The following CDH3 variants were observed in gnomAD, a reference collection of about 807,000 sequenced individuals.
CDH3 encodes cadherin-3.
In CDH3, 54 loss-of-function variants were observed where a neutral mutation model predicts 82.0. The observed-to-expected ratio is 0.66, with a 90% confidence interval of 0.53 to 0.83. The LOEUF is 0.83. Among genes scored for constraint, CDH3 ranks in the 40% least tolerant of loss-of-function variants. CDH3 has a pLI of 0.00. For missense variants in CDH3, 1,054 were observed against 1,084.6 expected, an observed-to-expected ratio of 0.97 and a Z score of 0.40; for synonymous variants, 446 against 437.9, an observed-to-expected ratio of 1.02 and a Z score of -0.23.
chr16:68,652,308 G>A (rs2152090152), intron 2 of CDH3, among the ~76,000 whole-genome samples: 1 of 152,206 alleles, frequency 6.6e-6, no homozygotes, highest in South Asian at 2.1e-4. Context: ...CTTGTGCCTG[G>A]GGAGCAGGTC....
chr16:68,669,166 T>G (rs1960819423), intron 2 of CDH3, among the ~76,000 whole-genome samples: 1 of 152,194 alleles, frequency 6.6e-6, no homozygotes, highest in Non-Finnish European at 1.5e-5. Context: ...GCCTCTTGTT[T>G]CCTGAGTTGT....
chr16:68,665,920 A>G lies in CDH3; in HGVS notation c.161-10465A>G, dbSNP rs543380790. On this transcript the variant is annotated intron_variant, in intron 2 of 15. Coordinates refer to ENST00000264012, the MANE Select transcript of CDH3 (RefSeq NM_001793.6). ...ATTTTTCTAGTCGGGGGAAAAACTCACATCAAATTCTGATTGAAAATCAAA... is the reference window on the plus strand; with the variant it reads ...ATTTTTCTAGTCGGGGGAAAAACTCGCATCAAATTCTGATTGAAAATCAAA... 9.8e-5 allele frequency among the ~76,000 whole-genome samples: 15 copies of G among 152,314 alleles called. No homozygotes were observed. In the South Asian group the frequency reaches 2.9e-3, roughly 29 times the overall value.
At chr16:68,722,214 G>A (rs954417239) in intron 1 of CDH3, among the ~76,000 whole-genome samples, 3 of 152,194 alleles carry the variant, frequency 2.0e-5, no homozygotes, top group African/African-American at 4.8e-5. Flanking sequence ...TTCAGGATAG[G>A]GAGGGGCCCC....
At chr16:68,722,364 C>G (rs938632610) in intron 1 of CDH3, 4 of 152,158 alleles carry the variant, frequency 2.6e-5, no homozygotes, top group Admixed American at 2.0e-4. Context: ...ATAGATGCCT[C>G]GTCCTGTATC....
At chr16:68,711,480 C>T (rs1962030772) in intron 1 of CDH3, among the ~76,000 whole-genome samples, 1 of 152,090 alleles carries the variant, frequency 6.6e-6, no homozygotes, top group African/African-American at 2.4e-5. Flanking sequence ...AGCAGGGCTA[C>T]CCAAGGTTAC....
chr16:68,686,789 AAACTAATGAT>A (rs1961424354), intron 11 of CDH3: 4 of 560,678 alleles, frequency 7.1e-6, no homozygotes, highest in South Asian at 3.8e-5. Flanking sequence ...CTCTTATAAT[AAACTAATGAT>A]AACTAATGAC....
In CDH3 at chr16:68,682,416, G is replaced by A. The variant is rs374738611; in HGVS notation, c.1111G>A (p.Gly371Ser). The part of the protein sequence containing the change: ...AWRATYLIMG[G>S]DDGDHFTITT... ...GCGTGCCACCTACCTTATCATGGGC[G>A]GTGACGACGGGGACCATTTTACCAT... The change falls in exon 9 of 16, where the codon GGT becomes AGT. Residue 371 changes from glycine to serine, a missense_variant. Gly to Ser is a moderately conservative substitution (Grantham distance 56, BLOSUM62 0). Transcript: ENST00000264012. The A allele has an allele frequency of 3.3e-5, 54 of 1,614,058 alleles. No homozygotes were observed. The East Asian group carries it at 7.1e-4, about 21-fold the overall frequency.
At chr16:68,647,489 AGCTTTCTCGGATGTCT>A in intron 2 of CDH3, among the ~76,000 whole-genome samples, 1 of 151,970 alleles carries the variant, frequency 6.6e-6, no homozygotes, top group Non-Finnish European at 1.5e-5. Flanking sequence ...GAGGAAATTC[AGCTTTCTCGGATGTCT>A]GCTTTACGGT....
chr16:68,658,281 C>T (rs570919670), intron 2 of CDH3, among the ~76,000 whole-genome samples: 38 of 152,178 alleles, frequency 2.5e-4, no homozygotes, highest in African/African-American at 8.9e-4. Flanking sequence ...TTCAGACTCT[C>T]GTTAAACCCA....
intron 11 of CDH3, 83 bp downstream of exon 11, chr16:68,685,433 A>C: frequency 4.9e-6 from 7 of 1,435,580 alleles, no homozygotes; most frequent in Non-Finnish European, 5.9e-6. Flanking sequence ...TTTCCTCCAC[A>C]GGTGGGAACA....
chr16:68,676,867 G>C (rs1961048700), intron 3 of CDH3, among the ~76,000 whole-genome samples: 1 of 152,118 alleles, frequency 6.6e-6, no homozygotes, highest in Admixed American at 6.6e-5. Flanking sequence ...GGGGTGCTTG[G>C]CCACACTTCG....
chr16:68,719,990 C>CA (rs1962143397), intron 1 of CDH3, among the ~76,000 whole-genome samples: 1 of 151,966 alleles, frequency 6.6e-6, no homozygotes, highest in African/African-American at 2.4e-5. Context: ...CTCTTCTCTA[C>CA]AAAAAATGAA....
rs375403917 is a variant in CDH3, at chr16:68,678,195, G to A, written c.308G>A (p.Arg103Gln). 3.2e-5 allele frequency: 51 copies of A among 1,613,722 alleles called. 1 individual carries two copies. The highest frequency in any genetic ancestry group is 2.0e-4 in the South Asian group (18 of 91,068). Residue 103 changes from arginine (R) to glutamine (Q), a missense_variant, in exon 4 of 16, where the codon CGA (arginine) becomes CAA (glutamine). Coordinates refer to ENST00000264012, the MANE Select transcript of CDH3 (RefSeq NM_001793.6). Reference sequence around the variant, plus strand: ...ATCTTCCCATCCAAACGTATCTTACGAAGACACAAGAGAGATTGGGTGGTT... The same window carrying A: ...ATCTTCCCATCCAAACGTATCTTACAAAGACACAAGAGAGATTGGGTGGTT... Reference protein sequence around the residue: ...LKIFPSKRILRRHKRDWVVAP... With the variant: ...LKIFPSKRILQRHKRDWVVAP...
At chr16:68,683,840 G>T (rs1339233454) in intron 9 of CDH3, among the ~76,000 whole-genome samples, 1 of 151,802 alleles carries the variant, frequency 6.6e-6, no homozygotes, top group Admixed American at 6.6e-5. Context: ...GGCCGAGGCA[G>T]ACAGATCACC....
Position 68,682,333 on chromosome 16 carries a change from G to A in CDH3, c.1028G>A (p.Gly343Asp). The change falls in exon 9 of 16, where the codon GGC becomes GAC. Residue 343 changes from glycine to aspartate, a missense_variant. Gly to Asp is a moderately conservative substitution (Grantham distance 94, BLOSUM62 -1). Transcript: ENST00000264012. ...GCCCATGTGCCTGAGAATGCAGTGG[G>A]CCATGAGGTGCAGAGGCTGACGGTC... ...YEAHVPENAV[G>D]HEVQRLTVTD... is the part of the protein sequence containing the mutation. 1 of 1,613,960 alleles carries A rather than the reference G, an allele frequency of 6.2e-7. No individual in the cohort carries two copies. The highest frequency in any genetic ancestry group is 1.1e-5 in the South Asian group (1 of 91,080).
chr16:68,678,296 C>T lies in CDH3; in HGVS notation c.390+19C>T, dbSNP rs1231101418. The T allele has an allele frequency of 1.2e-6, 2 of 1,613,908 alleles. No individual in the cohort carries two copies. Among genetic ancestry groups the T allele is most frequent in the South Asian group, 2.2e-5 (2 of 91,084 alleles). On this transcript the variant is annotated intron_variant, in intron 4 of 15. Transcript: ENST00000264012. Reference sequence around the variant, plus strand: ...GAATCAGGTACGACTGTGCCTTCTCCTGGGAAGCATTGGTGGCTCCAGGGA... The same window carrying T: ...GAATCAGGTACGACTGTGCCTTCTCTTGGGAAGCATTGGTGGCTCCAGGGA...
intron 7 of CDH3, 48 bp from the exon 8 acceptor site, chr16:68,680,920 C>A (rs373798650): frequency 3.7e-6 from 6 of 1,611,454 alleles, no homozygotes; most frequent in Non-Finnish European, 5.1e-6. Context: ...AGGGGAGGGA[C>A]CCTTCAGATT....
chr16:68,665,191 G>A (rs1408264842), intron 2 of CDH3, among the ~76,000 whole-genome samples: 1 of 151,812 alleles, frequency 6.6e-6, no homozygotes, highest in Non-Finnish European at 1.5e-5. Context: ...GGCAGATCAT[G>A]AGGTCAGGAG....
rs140235574 is a variant in CDH3 at position 68,665,467 on chromosome 16, G to GGT, written c.161-10903_161-10902dup. ...TATTTGACCCTAACAAGCACCTGGG[G>GGT]GTGTGTGTGTGTGTGTATTCCCATT... On this transcript the variant is annotated intron_variant, in intron 2 of 15. Coordinates refer to ENST00000264012, the MANE Select transcript of CDH3 (RefSeq NM_001793.6). Among the ~76,000 whole-genome samples the GGT allele has an allele frequency of 4.8e-3, 726 of 151,426 alleles. 2 individuals carry two copies. The highest frequency in any genetic ancestry group is 0.013 in the African/African-American group (555 of 41,294).
Sources: gnomAD v4.1 joint callset for allele counts (sites outside exome capture counted in the v4.1 genomes callset) on GRCh38, gnomAD v4.1.1 for gene constraint, MANE v1.5 for transcripts, NCBI Gene and HGNC (gene_info 2026-07-23, HGNC 2026-07-21) for gene names.